Variants in PSMB2 observed in about 807,000 individuals in gnomAD.
PSMB2 encodes proteasome 20S subunit beta 2.
PSMB2 carries 13 observed loss-of-function variants against 25.7 expected under a neutral mutation model. The observed-to-expected ratio is 0.51, with a 90% CI of 0.33 to 0.80. PSMB2 has a LOEUF of 0.80. Among genes scored for constraint, PSMB2 ranks in the 30% least tolerant of loss-of-function variants. The pLI, the probability that PSMB2 is intolerant of heterozygous loss-of-function variation, is 0.02. For synonymous variants in PSMB2, 87 were observed against 96.2 expected, an observed-to-expected ratio of 0.90 and a Z score of 0.56; for missense variants, 202 against 259.0, an observed-to-expected ratio of 0.78 and a Z score of 1.51.
chr1:35,603,015 AAGGGTACTG>A lies in PSMB2; in HGVS notation c.*243_*251del. 2 of 1,194,858 alleles carry A rather than the reference AAGGGTACTG, an allele frequency of 1.7e-6. No homozygotes were observed. The highest frequency in any genetic ancestry group is 1.0e-6 in the Non-Finnish European group (1 of 960,686). The allele number at this position is 1,194,858 out of a possible 1,614,324, so 74.0% of individuals were successfully genotyped here. On this transcript the variant is annotated 3_prime_UTR_variant, in exon 6 of 6. Coordinates refer to ENST00000373237, the MANE Select transcript of PSMB2 (RefSeq NM_002794.5). The stretch of plus-strand genomic sequence containing the variant: ...TAGAACGTGGGGCCGTCAGCTGCTA[AAGGGTACTG>A]AGCGTTAATGGAGGGCGGAGCAGGA...
intron 3 of PSMB2, among the ~76,000 whole-genome samples, chr1:35,626,415 C>T (rs980680346): frequency 6.6e-6 from 1 of 152,186 alleles, no homozygotes; most frequent in African/African-American, 2.4e-5. Flanking sequence ...ATATTCTCAG[C>T]AGAATATATA....
chr1:35,629,271 GAT>G (rs1651012358), intron 3 of PSMB2, among the ~76,000 whole-genome samples: 1 of 152,216 alleles, frequency 6.6e-6, no homozygotes, highest in African/African-American at 2.4e-5. Flanking sequence ...CAGGGGGTGA[GAT>G]CACGTGGTAA....
intron 4 of PSMB2, among the ~76,000 whole-genome samples, chr1:35,608,231 G>A (rs981346699): frequency 6.6e-6 from 1 of 152,144 alleles, no homozygotes; most frequent in Non-Finnish European, 1.5e-5. Flanking sequence ...CAGGCGTGGT[G>A]GCACACGCCT....
At position 35,631,355 on chromosome 1, in the gene PSMB2, A is replaced by C. The variant is rs768149182; in HGVS notation, c.215-11T>G. ...GAGACAATTCATATCCTGGTAGAAGAGATAAAGAGTCATACTTAAAGTAAA... is the reference window on the plus strand; with the variant it reads ...GAGACAATTCATATCCTGGTAGAAGCGATAAAGAGTCATACTTAAAGTAAA... On this transcript the variant is annotated splice_polypyrimidine_tract_variant and intron_variant, in intron 2 of 5. Transcript: ENST00000373237. 22 of 1,613,628 alleles carry C rather than the reference A, an allele frequency of 1.4e-5. No homozygotes were observed. The highest frequency in any genetic ancestry group is 1.7e-5 in the Non-Finnish European group (20 of 1,179,630).
At chr1:35,636,988 T>A (rs140482608) in intron 1 of PSMB2, among the ~76,000 whole-genome samples, 225 of 152,298 alleles carry the variant, frequency 1.5e-3, no homozygotes, top group African/African-American at 5.2e-3. Flanking sequence ...CCAATTTCGG[T>A]TGGAGAATAT....
chr1:35,608,317 A>C (rs1043959739), intron 4 of PSMB2, among the ~76,000 whole-genome samples: 1 of 152,012 alleles, frequency 6.6e-6, no homozygotes, highest in African/African-American at 2.4e-5. Context: ...GTGAGCCGAG[A>C]TCACTCCACT....
At chr1:35,626,319 T>C (rs796110286) in intron 3 of PSMB2, among the ~76,000 whole-genome samples, 23 of 152,348 alleles carry the variant, frequency 1.5e-4, no homozygotes, top group African/African-American at 3.6e-4. Flanking sequence ...TTAATTCCTA[T>C]ACAAATTAAC....
chr1:35,601,160 G>A lies in PSMB2; in HGVS notation c.*2107C>T, dbSNP rs529647365. The A allele has an allele frequency of 6.3e-5, 47 of 743,262 alleles. No individual in the cohort carries two copies. The African/African-American group carries it at 6.9e-4, about 11-fold the overall frequency. The allele number at this position is 743,262 out of a possible 1,614,324, so 46.0% of individuals were successfully genotyped here. A position where few individuals can be genotyped will look rare whatever the true frequency, so the allele number is the denominator to read the frequency against. On this transcript the variant is annotated 3_prime_UTR_variant, in exon 6 of 6. Coordinates refer to ENST00000373237, the MANE Select transcript of PSMB2 (RefSeq NM_002794.5). ...CGGCTCACTGCAACCTCCCTCTCCC[G>A]GGCTCAAGCAATTCTCCTGCCTCAG... is the stretch of plus-strand genomic sequence containing the variant.
rs530217256 is a variant in PSMB2 at position 35,630,766 on chromosome 1, T to C, written c.285+508A>G. 4.6e-5 allele frequency among the ~76,000 whole-genome samples: 7 copies of C among 152,316 alleles called. No homozygotes were observed. In the East Asian group the frequency reaches 1.4e-3, roughly 29 times the overall value. On this transcript the variant is annotated intron_variant, in intron 3 of 5. Coordinates refer to ENST00000373237, the MANE Select transcript of PSMB2 (RefSeq NM_002794.5). ...TCTGTATCCTGTAATGGTAGATACA[T>C]GTCATTATACATTTGTCCAAACCCA...
In PSMB2 at chr1:35,601,730, C is replaced by T. The variant is rs1650007703; in HGVS notation, c.*1537G>A. ...TGGATAAAGTAGGGTTTATCTTAGT[C>T]GGAGACCAAATGGTTTTGATATGTG... On this transcript the variant is annotated 3_prime_UTR_variant, in exon 6 of 6. Coordinates refer to ENST00000373237, the MANE Select transcript of PSMB2 (RefSeq NM_002794.5). 4 of 985,392 alleles carry T rather than the reference C, an allele frequency of 4.1e-6. No individual in the cohort carries two copies. Among genetic ancestry groups the T allele is most frequent in the South Asian group, 4.7e-5 (1 of 21,288 alleles). The allele number at this position is 985,392 out of a possible 1,614,324, so 61.0% of individuals were successfully genotyped here.
chr1:35,633,937 T>C (rs1253083765), intron 2 of PSMB2, among the ~76,000 whole-genome samples: 1 of 152,250 alleles, frequency 6.6e-6, no homozygotes, highest in Non-Finnish European at 1.5e-5. Context: ...AGCTCCATAT[T>C]ATACCAGTGC....
At chr1:35,627,258 CAAA>C (rs772688881) in intron 3 of PSMB2, among the ~76,000 whole-genome samples, 1,636 of 36,324 alleles carry the variant, frequency 0.045, 26 homozygotes, top group African/African-American at 0.13. Flanking sequence ...GACCCTATCT[CAAA>C]AAAAAAAAAA....
intron 5 of PSMB2, among the ~76,000 whole-genome samples, chr1:35,604,999 G>A (rs962084385): frequency 2.0e-5 from 3 of 152,162 alleles, no homozygotes; most frequent in Non-Finnish European, 4.4e-5. Flanking sequence ...CACTGGTTTG[G>A]ATAAACCAGA....
intron 3 of PSMB2, among the ~76,000 whole-genome samples, chr1:35,627,375 G>A (rs1650897531): frequency 6.6e-6 from 1 of 152,044 alleles, no homozygotes; most frequent in African/African-American, 2.4e-5. Flanking sequence ...ACACAAGTGG[G>A]CTGGGCATGG....
chr1:35,629,741 T>C (rs982942541), intron 3 of PSMB2, among the ~76,000 whole-genome samples: 7 of 150,086 alleles, frequency 4.7e-5, no homozygotes, highest in African/African-American at 1.7e-4. Context: ...ACCCGGGAAG[T>C]TGAGGCTTCA....
At chr1:35,605,311 TC>T in intron 4 of PSMB2, 29 bp from the exon 5 acceptor site, 2 of 1,602,558 alleles carry the variant, frequency 1.2e-6, no homozygotes, top group Non-Finnish European at 1.7e-6. Context: ...ACCAAATACT[TC>T]CGGTGCTGTC....
At chr1:35,640,396 T>C (rs1651361200) in intron 1 of PSMB2, among the ~76,000 whole-genome samples, 1 of 152,190 alleles carries the variant, frequency 6.6e-6, no homozygotes, top group Non-Finnish European at 1.5e-5. Flanking sequence ...ATCTGGGCAC[T>C]GCAAAATAAC....
chr1:35,628,479 A>G lies in PSMB2; in HGVS notation c.285+2795T>C, dbSNP rs1056437009. Among the ~76,000 whole-genome samples the G allele has an allele frequency of 2.0e-5, 3 of 150,282 alleles. No homozygotes were observed. The East Asian group carries it at 6.0e-4, about 30-fold the overall frequency. On this transcript the variant is annotated intron_variant, in intron 3 of 5. Transcript: ENST00000373237. ...CAAGTCATAAAATGCTGAACACCAC[A>G]GGAACTTCTGGGTGACAGAAAAACT... is the stretch of plus-strand genomic sequence containing the variant.
At chr1:35,638,336 A>C (rs759767756) in intron 1 of PSMB2, among the ~76,000 whole-genome samples, 1 of 152,192 alleles carries the variant, frequency 6.6e-6, no homozygotes, top group African/African-American at 2.4e-5. Context: ...ATCCACATAC[A>C]TGAAACAAAT....
Sources: allele counts gnomAD v4.1 joint callset (sites outside exome capture counted in the v4.1 genomes callset), GRCh38; gene constraint gnomAD v4.1.1; transcripts MANE v1.5; gene names NCBI Gene and HGNC (gene_info 2026-07-23, HGNC 2026-07-21).